Variants in GRID2 observed in about 807,000 individuals in gnomAD.
The protein encoded by GRID2 is glutamate ionotropic receptor delta type subunit 2.
GRID2 carries 33 observed loss-of-function variants against 114.8 expected under a neutral mutation model. That is an observed-to-expected ratio of 0.29 (90% CI 0.22 to 0.38). GRID2 has a LOEUF of 0.38. Among genes scored for constraint, GRID2 ranks in the 10% least tolerant of loss-of-function variants. The pLI is 1.00. For missense variants in GRID2, 1,184 were observed against 1,257.7 expected (o/e 0.94, Z 0.89); for synonymous variants, 505 against 449.9 (o/e 1.12, Z -1.55).
chr4:92,545,898 A>G (rs1167056302), intron 1 of GRID2, among the ~76,000 whole-genome samples: 1 of 152,192 alleles, frequency 6.6e-6, no homozygotes, highest in East Asian at 1.9e-4. Context: ...AAATCTCCAA[A>G]TGAAAAATAT....
At chr4:93,369,211 G>A (rs964753984) in intron 8 of GRID2, among the ~76,000 whole-genome samples, 5 of 152,062 alleles carry the variant, frequency 3.3e-5, no homozygotes, top group African/African-American at 1.2e-4. Flanking sequence ...TTGATTTGTG[G>A]CAACATCACT....
rs56140792 is a variant in GRID2 at position 92,482,033 on chromosome 4, TAA to T, written c.89-108095_89-108094del. ...ATATATATATATATATATATATATA[TAA>T]AATAACAATACAAGCTTATAGCTGC... On this transcript the variant is annotated intron_variant, in intron 1 of 15. Coordinates refer to ENST00000282020, the MANE Select transcript of GRID2 (RefSeq NM_001510.4). 3.0e-3 allele frequency among the ~76,000 whole-genome samples: 166 copies of T among 55,950 alleles called. 6 individuals are homozygous for T. Among genetic ancestry groups the T allele is most frequent in the African/African-American group, 0.011 (150 of 13,346 alleles). The allele number at this position is 55,950 out of a possible 152,430, so 36.7% of individuals were successfully genotyped here. A position where few individuals can be genotyped will look rare whatever the true frequency, so the allele number is the denominator to read the frequency against.
At chr4:92,957,683 T>C (rs1252546715) in intron 2 of GRID2, among the ~76,000 whole-genome samples, 1 of 152,016 alleles carries the variant, frequency 6.6e-6, no homozygotes, top group East Asian at 1.9e-4. Flanking sequence ...AGTAGATATC[T>C]ACAAAATAAC....
intron 8 of GRID2, among the ~76,000 whole-genome samples, chr4:93,273,797 C>T (rs1751759896): frequency 6.6e-6 from 1 of 152,096 alleles, no homozygotes; most frequent in South Asian, 2.1e-4. Flanking sequence ...CAGTTTAAAG[C>T]TAGCAAGATA....
At chr4:93,218,342 AT>A (rs1359701780) in intron 6 of GRID2, among the ~76,000 whole-genome samples, 9 of 152,126 alleles carry the variant, frequency 5.9e-5, no homozygotes, top group African/African-American at 2.2e-4. Context: ...TCTGAAAAAA[AT>A]AATAATAATA....
chr4:93,522,427 G>T (rs1730429366), intron 13 of GRID2, among the ~76,000 whole-genome samples: 1 of 152,170 alleles, frequency 6.6e-6, no homozygotes, highest in African/African-American at 2.4e-5. Flanking sequence ...CAGCATGATT[G>T]TGAGTATTTG....
chr4:93,662,744 C>G (rs1041274336), intron 14 of GRID2, among the ~76,000 whole-genome samples: 3 of 152,160 alleles, frequency 2.0e-5, no homozygotes, highest in African/African-American at 7.2e-5. Flanking sequence ...ATGACTTAAA[C>G]CCTATTAACT....
chr4:93,025,662 C>A (rs1052014246), intron 2 of GRID2, among the ~76,000 whole-genome samples: 1 of 151,700 alleles, frequency 6.6e-6, no homozygotes, highest in African/African-American at 2.4e-5. Context: ...CCGGGGCAAA[C>A]TTCCTTCCTT....
intron 2 of GRID2, among the ~76,000 whole-genome samples, chr4:92,845,198 T>A (rs1276709897): frequency 6.6e-6 from 1 of 152,112 alleles, no homozygotes; most frequent in Admixed American, 6.6e-5. Context: ...AGAGGCACTT[T>A]GATTGATTTT....
intron 7 of GRID2, among the ~76,000 whole-genome samples, chr4:93,231,793 A>T (rs1053494780): frequency 6.6e-6 from 1 of 152,178 alleles, no homozygotes; most frequent in African/African-American, 2.4e-5. Context: ...TCCTCTGTCC[A>T]GTCCCTCTTC....
At chr4:92,404,078 A>G (rs1451869936) in intron 1 of GRID2, among the ~76,000 whole-genome samples, 2 of 152,220 alleles carry the variant, frequency 1.3e-5, no homozygotes, top group African/African-American at 4.8e-5. Context: ...TGAAGTGAAC[A>G]CAAGCTGTTG....
intron 2 of GRID2, among the ~76,000 whole-genome samples, chr4:93,034,513 T>C (rs1434342689): frequency 3.3e-5 from 5 of 152,144 alleles, no homozygotes; most frequent in Admixed American, 2.0e-4. Flanking sequence ...TCAGGTGTTA[T>C]ACTGCCCATT....
At chr4:93,775,598 T>A (rs1355348683), downstream of GRID2, among the ~76,000 whole-genome samples, 3 of 152,228 alleles carry the variant, frequency 2.0e-5, no homozygotes, top group Non-Finnish European at 4.4e-5. Context: ...GCCCATTGTT[T>A]GTCCTGGTTT....
chr4:92,528,782 T>C (rs1468713399), intron 1 of GRID2, among the ~76,000 whole-genome samples: 1 of 133,956 alleles, frequency 7.5e-6, no homozygotes, highest in Non-Finnish European at 1.6e-5. Flanking sequence ...CATGCTCCAC[T>C]AAAGTCGTTT....
chr4:93,159,036 AT>A (rs1737436166), intron 4 of GRID2, among the ~76,000 whole-genome samples: 1 of 151,392 alleles, frequency 6.6e-6, no homozygotes, highest in African/African-American at 2.4e-5. Context: ...TGGCAACAAT[AT>A]TTTAATGGTA....
intron 9 of GRID2, among the ~76,000 whole-genome samples, chr4:93,407,798 CG>C: frequency 2.5e-5 from 3 of 120,864 alleles, no homozygotes; most frequent in African/African-American, 1.2e-4. Context: ...TCCTCCTCCT[CG>C]TCCTCCTCCT....
At chr4:92,600,662 G>A (rs1285077392) in intron 2 of GRID2, among the ~76,000 whole-genome samples, 4 of 152,064 alleles carry the variant, frequency 2.6e-5, no homozygotes, top group African/African-American at 4.8e-5. Context: ...TGGTTTGCTC[G>A]GGGTCCACTT....
intron 13 of GRID2, among the ~76,000 whole-genome samples, chr4:93,556,114 T>C (rs1022495221): frequency 2.0e-5 from 3 of 152,094 alleles, no homozygotes; most frequent in Admixed American, 1.3e-4. Flanking sequence ...GTCACCAGCA[T>C]CAAAGACCAA....
At chr4:93,345,398 T>C (rs1345789200) in intron 8 of GRID2, among the ~76,000 whole-genome samples, 1 of 152,104 alleles carries the variant, frequency 6.6e-6, no homozygotes, top group Non-Finnish European at 1.5e-5. Flanking sequence ...TGAATATTAA[T>C]GATGTTGAGC....
Sources: gnomAD v4.1 joint callset for allele counts (sites outside exome capture counted in the v4.1 genomes callset) on GRCh38, gnomAD v4.1.1 for gene constraint, MANE v1.5 for transcripts, NCBI Gene and HGNC (gene_info 2026-07-23, HGNC 2026-07-21) for gene names.